Variants in PSMC2 observed in about 807,000 individuals in gnomAD.
The protein encoded by PSMC2 is 26S proteasome regulatory subunit 7.
In PSMC2, 7 loss-of-function variants were observed where a neutral mutation model predicts 53.3. The observed-to-expected ratio is 0.13, with a 90% CI of 0.07 to 0.25. The LOEUF (loss-of-function observed/expected upper bound fraction) is 0.25. Among genes scored for constraint, PSMC2 ranks in the 10% least tolerant of loss-of-function variants. PSMC2 has a pLI of 1.00. For missense variants in PSMC2, 241 were observed against 544.0 expected, an observed-to-expected ratio of 0.44 and a Z score of 5.54; for synonymous variants, 169 against 183.9, an observed-to-expected ratio of 0.92 and a Z score of 0.66.
Position 103,363,339 on chromosome 7 carries a change from C to T in PSMC2, c.496-5C>T. 1.9e-6 allele frequency: 3 copies of T among 1,608,700 alleles called. No homozygotes were observed. The highest frequency in any genetic ancestry group is 2.6e-6 in the Non-Finnish European group (3 of 1,175,064). The stretch of plus-strand genomic sequence containing the variant: ...GTATGTTGTACATTTCTGTCCCTCT[C>T]TTAGGTGGAAGAGAAACCTGATGTC... On this transcript the variant is annotated splice_polypyrimidine_tract_variant and splice_region_variant and intron_variant, in intron 6 of 11. Coordinates refer to ENST00000292644, the MANE Select transcript of PSMC2 (RefSeq NM_002803.4).
At chr7:103,357,593 C>G (rs1820109916) in intron 4 of PSMC2, among the ~76,000 whole-genome samples, 1 of 152,262 alleles carries the variant, frequency 6.6e-6, no homozygotes, top group East Asian at 1.9e-4. Flanking sequence ...GAAGGCACAC[C>G]TTTCCTATCC....
chr7:103,361,330 C>G (rs565577133), intron 4 of PSMC2, among the ~76,000 whole-genome samples: 1 of 144,728 alleles, frequency 6.9e-6, no homozygotes, highest in South Asian at 2.2e-4. Context: ...GAAACCCCCT[C>G]TCTACTAAAA....
chr7:103,366,225 A>G (rs945435161), intron 9 of PSMC2, 62 bp downstream of exon 9: 8 of 1,362,334 alleles, frequency 5.9e-6, no homozygotes, highest in African/African-American at 2.9e-5. Context: ...GTAAAGTGAT[A>G]TGTCGTGATA....
intron 4 of PSMC2, 30 bp downstream of exon 4, chr7:103,355,823 C>CT: frequency 6.7e-7 from 1 of 1,490,238 alleles, no homozygotes; most frequent in Non-Finnish European, 9.3e-7. Context: ...GGCAACTTAC[C>CT]TTTGTCTGTA....
At chr7:103,364,954 C>CGTACATATAT (rs1486934625) in intron 8 of PSMC2, among the ~76,000 whole-genome samples, 16 of 38,960 alleles carry the variant, frequency 4.1e-4, no homozygotes, top group Admixed American at 1.8e-3. Flanking sequence ...TGTTTGTAGA[C>CGTACATATAT]ATACATATAT....
chr7:103,366,524 A>G (rs1308671459), intron 9 of PSMC2, among the ~76,000 whole-genome samples: 5 of 152,228 alleles, frequency 3.3e-5, no homozygotes, highest in South Asian at 2.1e-4. Context: ...AAGTGCTCCA[A>G]TGAGTATTGC....
rs565759124 is a variant in PSMC2, at chr7:103,356,572, G to A, written c.290+779G>A. Among the ~76,000 whole-genome samples, 97 of 152,284 alleles carry A rather than the reference G, an allele frequency of 6.4e-4. 1 individual carries two copies. Among genetic ancestry groups the A allele is most frequent in the African/African-American group, 2.2e-3 (93 of 41,560 alleles). On this transcript the variant is annotated intron_variant, in intron 4 of 11. Transcript: ENST00000292644. ...TTAATTTGTACTGTGTTGATTACTA[G>A]TATGATAGCTACTTCTTTTGTTTAC...
chr7:103,353,140 C>T (rs184064834), intron 1 of PSMC2, among the ~76,000 whole-genome samples: 32 of 151,994 alleles, frequency 2.1e-4, no homozygotes, highest in African/African-American at 7.5e-4. Context: ...CGTAGAACAC[C>T]ATTTCAGGTT....
At chr7:103,363,502 C>T (rs1484980123) in intron 7 of PSMC2, 63 bp downstream of exon 7, 1 of 1,411,170 alleles carries the variant, frequency 7.1e-7, no homozygotes, top group Non-Finnish European at 1.0e-6. Context: ...GTATTGAGCA[C>T]TAAAATTGCT....
In PSMC2 at chr7:103,347,715, C is replaced by T. The variant is rs751112880; in HGVS notation, c.4C>T (p.Pro2Ser). The change falls in exon 1 of 12, where the codon CCG (proline) becomes TCG (serine). Residue 2 changes from proline (P) to serine (S), a missense_variant. By Grantham distance (74) the Pro-to-Ser change is moderately conservative. Around this residue, in one of 6 missense-constraint regions of PSMC2, gnomAD observed 70 missense variants for 57.9 expected, o/e 1.21. Transcript: ENST00000292644. M[P>S]DYLGADQRKT... ...GGAGGCTTTTGGAGCTGCTAAAATGCCGGATTACCTCGGTGCCGATCAGCG... is the reference window on the plus strand; with the variant it reads ...GGAGGCTTTTGGAGCTGCTAAAATGTCGGATTACCTCGGTGCCGATCAGCG... 40 of 1,613,752 alleles carry T rather than the reference C, an allele frequency of 2.5e-5. No individual in the cohort carries two copies. The East Asian group carries it at 7.6e-4, about 31-fold the overall frequency.
chr7:103,354,535 A>AT (rs1298247813), intron 2 of PSMC2, among the ~76,000 whole-genome samples: 1 of 151,798 alleles, frequency 6.6e-6, no homozygotes, highest in Non-Finnish European at 1.5e-5. Context: ...CGTCTGGCTA[A>AT]TTTTTTGTAT....
intron 5 of PSMC2, chr7:103,362,365 G>T: frequency 7.4e-7 from 1 of 1,346,810 alleles, no homozygotes; most frequent in Non-Finnish European, 9.5e-7. Context: ...GGTATAGGTT[G>T]GGGGAGTACT....
In PSMC2 at chr7:103,367,651, T is replaced by TGAA; in HGVS notation, c.1047+38_1047+40dup. On this transcript the variant is annotated intron_variant, in intron 10 of 11. Coordinates refer to ENST00000292644, the MANE Select transcript of PSMC2 (RefSeq NM_002803.4). This position sits in a 1 kb window ranked among gnomAD's most constrained non-coding sequence, Gnocchi z 6.1. ...CATTTCATTTTAGGAAAGGGATTTTTGAAGTTTTTTCTTCCTGTGATTTTT... is the reference window on the plus strand; with the variant it reads ...CATTTCATTTTAGGAAAGGGATTTTTGAAGAAGTTTTTTCTTCCTGTGATTTTT... 1 of 1,609,894 alleles carries TGAA rather than the reference T, an allele frequency of 6.2e-7. No individual in the cohort carries two copies. The highest frequency in any genetic ancestry group is 2.2e-5 in the East Asian group (1 of 44,856).
At chr7:103,365,486 G>A (rs6972190) in intron 8 of PSMC2, among the ~76,000 whole-genome samples, 116,761 of 151,956 alleles carry the variant, frequency 0.77, 47,134 homozygotes, top group East Asian at 0.96. Context: ...AGAAAAAGCC[G>A]GGTGTGGTGG....
At position 103,368,056 on chromosome 7, in the gene PSMC2, C is replaced by T; in HGVS notation, c.*2C>T. On this transcript the variant is annotated 3_prime_UTR_variant, in exon 12 of 12. Coordinates refer to ENST00000292644, the MANE Select transcript of PSMC2 (RefSeq NM_002803.4). Reference sequence around the variant, plus strand: ...CCTCGTTACATGACATACAACTGAACCCTGAAGGCTTTCAAGTGAAAACTT... The same window carrying T: ...CCTCGTTACATGACATACAACTGAATCCTGAAGGCTTTCAAGTGAAAACTT... 7 of 1,595,138 alleles carry T rather than the reference C, an allele frequency of 4.4e-6. No individual in the cohort carries two copies. Among genetic ancestry groups the T allele is most frequent in the Non-Finnish European group, 6.0e-6 (7 of 1,169,988 alleles).
At chr7:103,355,878 T>G (rs1412540256) in intron 4 of PSMC2, 85 bp downstream of exon 4, 17 of 896,588 alleles carry the variant, frequency 1.9e-5, no homozygotes, top group Admixed American at 2.9e-5. Flanking sequence ...ATGCAATAGT[T>G]CATAAATAAT....
At chr7:103,365,073 G>C (rs4478507) in intron 8 of PSMC2, among the ~76,000 whole-genome samples, 2 of 150,598 alleles carry the variant, frequency 1.3e-5, no homozygotes, top group Admixed American at 6.6e-5. Flanking sequence ...ACGGAGCTGC[G>C]TGAGTTGAGG....
At position 103,368,096 on chromosome 7, in the gene PSMC2, A is replaced by G. The variant is rs1398007627; in HGVS notation, c.*42A>G. On this transcript the variant is annotated 3_prime_UTR_variant, in exon 12 of 12. Coordinates refer to ENST00000292644, the MANE Select transcript of PSMC2 (RefSeq NM_002803.4). ...AGTGAAAACTTTAAATTGGAATCCT[A>G]ACCTTATATAGACTTGTTAATAACC... 16 of 1,543,272 alleles carry G rather than the reference A, an allele frequency of 1.0e-5. No individual in the cohort carries two copies. The highest frequency in any genetic ancestry group is 1.4e-5 in the Non-Finnish European group (16 of 1,136,362).
chr7:103,350,566 C>T (rs935806775), intron 1 of PSMC2, among the ~76,000 whole-genome samples: 1 of 152,110 alleles, frequency 6.6e-6, no homozygotes, highest in African/African-American at 2.4e-5. Flanking sequence ...ATAGTCACTG[C>T]AGGCTGGGAA....
Sources: allele counts gnomAD v4.1 joint callset (sites outside exome capture counted in the v4.1 genomes callset), GRCh38; gene constraint gnomAD v4.1.1; regional missense constraint gnomAD v4.1.1; non-coding constraint Gnocchi (gnomAD v3.1); transcripts MANE v1.5; gene names NCBI Gene and HGNC (gene_info 2026-07-23, HGNC 2026-07-21).